The following ALKBH1 variants were observed in gnomAD, a reference collection of about 807,000 sequenced individuals.
The protein encoded by ALKBH1 is alkB homolog 1, histone H2A dioxygenase.
A neutral mutation model predicts 36.6 loss-of-function variants in ALKBH1; 31 were observed. The ratio of observed to expected loss-of-function variants is 0.85; its 90% CI spans 0.64 to 1.14. ALKBH1 has a LOEUF of 1.14. Ranked by LOEUF, ALKBH1 falls within the 50% of genes most tolerant of loss-of-function variation. The probability of loss-of-function intolerance (pLI) is 0.00; values close to 1 mark genes in which losing one functional copy is unlikely to be tolerated. For missense variants in ALKBH1, 490 were observed against 497.3 expected, an observed-to-expected ratio of 0.99 and a Z score of 0.14; for synonymous variants, 183 against 186.6, an observed-to-expected ratio of 0.98 and a Z score of 0.16.
chr14:77,686,036 T>A (rs1373467204), intron 3 of ALKBH1, among the ~76,000 whole-genome samples: 1 of 152,196 alleles, frequency 6.6e-6, no homozygotes, highest in African/African-American at 2.4e-5. Context: ...TGCCTTTGTA[T>A]TTTCTGAAAG....
intron 2 of ALKBH1, among the ~76,000 whole-genome samples, chr14:77,695,401 C>T (rs1360849620): frequency 6.6e-6 from 1 of 152,208 alleles, no homozygotes; most frequent in Non-Finnish European, 1.5e-5. Flanking sequence ...GGCTGAGACC[C>T]TGCCAGCTAC....
rs201398314 is a variant in ALKBH1 at position 77,679,934 on chromosome 14, T to C, written c.492A>G (p.Leu164=). Residue 164 remains leucine, a synonymous_variant, in exon 4 of 6, where the codon TTA becomes TTG. Coordinates refer to ENST00000216489, the MANE Select transcript of ALKBH1 (RefSeq NM_006020.3). The part of the protein sequence containing the change: ...KEATKRRPRS[L]LEKLRWVTVG... ...CGGTCACCCAACGCAGTTTCTCCAG[T>C]AAACTTCGGGGTCTCCGTTTAGTCG... 4 of 1,614,176 alleles carry C rather than the reference T, an allele frequency of 2.5e-6. No homozygotes were observed. Among genetic ancestry groups the C allele is most frequent in the Non-Finnish European group, 3.4e-6 (4 of 1,179,984 alleles).
intron 3 of ALKBH1, among the ~76,000 whole-genome samples, chr14:77,690,879 G>A (rs955272480): frequency 2.6e-5 from 4 of 151,356 alleles, no homozygotes; most frequent in Non-Finnish European, 4.4e-5. Context: ...TCGGCTCACC[G>A]CAACCTCCGC....
At chr14:77,697,080 T>C (rs2284235) in intron 2 of ALKBH1, 68,426 of 186,724 alleles carry the variant, frequency 0.37, 12,699 homozygotes, top group Non-Finnish European at 0.42. Context: ...CTTGTACTGG[T>C]TTGCAATTCA....
chr14:77,697,754 C>T (rs962700854), intron 2 of ALKBH1, among the ~76,000 whole-genome samples: 4 of 150,540 alleles, frequency 2.7e-5, no homozygotes, highest in Admixed American at 6.6e-5. Context: ...TGGCCGATGC[C>T]TGTAATCCTA....
intron 3 of ALKBH1, among the ~76,000 whole-genome samples, chr14:77,689,599 A>G (rs2080286676): frequency 6.6e-6 from 1 of 152,198 alleles, no homozygotes; most frequent in African/African-American, 2.4e-5. Flanking sequence ...TCAAGGCTAC[A>G]AAATTTTCAA....
intron 3 of ALKBH1, among the ~76,000 whole-genome samples, chr14:77,685,555 T>C (rs556621471): frequency 1.1e-4 from 17 of 152,140 alleles, no homozygotes; most frequent in African/African-American, 2.9e-4. Context: ...GGTGGGCAGA[T>C]TGCCTTAGCT....
chr14:77,673,456 A>G lies in ALKBH1; in HGVS notation c.*356T>C, dbSNP rs1240121056. The stretch of plus-strand genomic sequence containing the variant: ...AGGGAGGGGTACTGTATTTCTCATT[A>G]ATAAAATCTGAGGTATTTAAATACT... On this transcript the variant is annotated 3_prime_UTR_variant, in exon 6 of 6. Coordinates refer to ENST00000216489, the MANE Select transcript of ALKBH1 (RefSeq NM_006020.3). 1.5e-5 allele frequency: 3 copies of G among 205,780 alleles called. No homozygotes were observed. The highest frequency in any genetic ancestry group is 1.0e-4 in the Admixed American group (2 of 19,164). The allele number at this position is 205,780 out of a possible 1,614,324, so 12.7% of individuals were successfully genotyped here. A position where few individuals can be genotyped will look rare whatever the true frequency, so the allele number is the denominator to read the frequency against.
At chr14:77,700,556 A>G (rs1171166311) in intron 2 of ALKBH1, among the ~76,000 whole-genome samples, 1 of 152,214 alleles carries the variant, frequency 6.6e-6, no homozygotes, top group Non-Finnish European at 1.5e-5. Flanking sequence ...TTCTCCAAAT[A>G]GTTTGGGAGA....
rs1304356907 is a variant in ALKBH1, at chr14:77,679,148, T to C, written c.546+732A>G. On this transcript the variant is annotated intron_variant, in intron 4 of 5. Transcript: ENST00000216489. Reference sequence around the variant, plus strand: ...CATATGTTGAAAGTTCTTTTGTGAGTTGACGAATGAACAATTGAAATACAT... The same window carrying C: ...CATATGTTGAAAGTTCTTTTGTGAGCTGACGAATGAACAATTGAAATACAT... 4.6e-5 allele frequency among the ~76,000 whole-genome samples: 7 copies of C among 151,970 alleles called. No homozygotes were observed. In the East Asian group the frequency reaches 7.7e-4, roughly 17 times the overall value.
chr14:77,700,297 G>GA lies in ALKBH1; in HGVS notation c.292+4071dup, dbSNP rs553538863. ...CTATGTCTAGATTCTTGCAGATATA[G>GA]AAAAAAACTAGATAGCTTAGAGATA... On this transcript the variant is annotated intron_variant, in intron 2 of 5. Transcript: ENST00000216489. 2.5e-3 allele frequency among the ~76,000 whole-genome samples: 385 copies of GA among 152,186 alleles called. 1 individual carries two copies. The highest frequency in any genetic ancestry group is 0.024 in the Middle Eastern group (7 of 294).
chr14:77,691,482 T>G (rs1483610005), intron 3 of ALKBH1, among the ~76,000 whole-genome samples: 1 of 152,172 alleles, frequency 6.6e-6, no homozygotes, highest in Non-Finnish European at 1.5e-5. Context: ...ACTGTCCACA[T>G]GACCCTGACT....
chr14:77,674,300 T>C, intron 5 of ALKBH1, 59 bp from the exon 6 acceptor site: 2 of 1,445,480 alleles, frequency 1.4e-6, no homozygotes, highest in Admixed American at 2.7e-5. Flanking sequence ...GTTTATTAAC[T>C]ATGACTGGGA....
At chr14:77,698,818 G>A (rs984095587) in intron 2 of ALKBH1, among the ~76,000 whole-genome samples, 1 of 152,086 alleles carries the variant, frequency 6.6e-6, no homozygotes, top group Non-Finnish European at 1.5e-5. Flanking sequence ...GCACAATCTT[G>A]GCTCACTGCC....
chr14:77,703,294 TTTC>T (rs1380559581), intron 2 of ALKBH1, among the ~76,000 whole-genome samples: 3 of 151,450 alleles, frequency 2.0e-5, no homozygotes, highest in African/African-American at 7.3e-5. Flanking sequence ...CTATTAGGAC[TTTC>T]TTTTTTTTTT....
intron 1 of ALKBH1, among the ~76,000 whole-genome samples, chr14:77,707,386 G>A (rs1229423421): frequency 2.6e-5 from 4 of 152,330 alleles, no homozygotes; most frequent in Middle Eastern, 6.8e-3. Context: ...AGAGCCAGAG[G>A]AGAAGACAGG....
chr14:77,678,985 T>G (rs1231594220), intron 4 of ALKBH1, among the ~76,000 whole-genome samples: 2 of 152,044 alleles, frequency 1.3e-5, no homozygotes, highest in African/African-American at 4.8e-5. Flanking sequence ...CTGGCTAATT[T>G]TTCTATTTTT....
rs2080316842 is a variant in ALKBH1, at chr14:77,694,635, C to A, written c.455+103G>T. On this transcript the variant is annotated intron_variant, in intron 3 of 5. Transcript: ENST00000216489. ...TGGAAACAATGAAGGGAAAAAAAAA[C>A]CCAGCCAGTCACTTTTACTGCATTG... The A allele has an allele frequency of 1.0e-5, 10 of 977,346 alleles. No homozygotes were observed. In the African/African-American group the frequency reaches 1.2e-4, roughly 11 times the overall value. The allele number at this position is 977,346 out of a possible 1,614,324, so 60.5% of individuals were successfully genotyped here.
chr14:77,688,519 G>A (rs567993798), intron 3 of ALKBH1, among the ~76,000 whole-genome samples: 1 of 150,002 alleles, frequency 6.7e-6, no homozygotes, highest in African/African-American at 2.5e-5. Context: ...CTCCCAGAGT[G>A]CTGGGATTAC....
Sources: gnomAD v4.1 joint callset for allele counts (sites outside exome capture counted in the v4.1 genomes callset) on GRCh38, gnomAD v4.1.1 for gene constraint, MANE v1.5 for transcripts, NCBI Gene and HGNC (gene_info 2026-07-23, HGNC 2026-07-21) for gene names.